The following SNTG2 variants were observed in gnomAD, a reference collection of about 807,000 sequenced individuals.
SNTG2 encodes gamma-2-syntrophin.
Under a neutral mutation model 70.9 loss-of-function variants are expected in SNTG2, and 74 were observed. The ratio of observed to expected loss-of-function variants is 1.04; its 90% confidence interval spans 0.86 to 1.27. The LOEUF is 1.27. Among genes scored for constraint, SNTG2 ranks in the 50% most tolerant of loss-of-function variants. The probability of loss-of-function intolerance (pLI) is 0.00; values close to 1 mark genes in which losing one functional copy is unlikely to be tolerated. For synonymous variants in SNTG2, 278 were observed against 273.8 expected (o/e 1.02, Z -0.15); for missense variants, 717 against 690.7 (o/e 1.04, Z -0.43).
rs138939485 is a variant in SNTG2, at chr2:1,100,064, A to T, written c.325+1654A>T. Among the ~76,000 whole-genome samples, 916 of 152,290 alleles carry T rather than the reference A, an allele frequency of 6.0e-3. 13 individuals are homozygous for T. The highest frequency in any genetic ancestry group is 0.021 in the African/African-American group (882 of 41,540). Reference sequence around the variant, plus strand: ...AAGGAAACCTAGAAATTTAAGTGTGATAAGAAATACAGGTTAGTTGTAACC... The same window carrying T: ...AAGGAAACCTAGAAATTTAAGTGTGTTAAGAAATACAGGTTAGTTGTAACC... On this transcript the variant is annotated intron_variant, in intron 4 of 16. Transcript: ENST00000308624.
intron 1 of SNTG2, among the ~76,000 whole-genome samples, chr2:1,004,093 C>G (rs1659493008): frequency 6.6e-6 from 1 of 152,184 alleles, no homozygotes; most frequent in Admixed American, 6.5e-5. Context: ...ATCCCCTAAA[C>G]TGTGCAACCT....
chr2:1,007,585 T>G (rs2147994108), intron 1 of SNTG2, among the ~76,000 whole-genome samples: 1 of 152,294 alleles, frequency 6.6e-6, no homozygotes, highest in South Asian at 2.1e-4. Flanking sequence ...AGGAATTTTC[T>G]GAGTAAATGT....
At chr2:1,075,038 A>G (rs1043219449) in intron 1 of SNTG2, among the ~76,000 whole-genome samples, 4 of 152,264 alleles carry the variant, frequency 2.6e-5, no homozygotes, top group Admixed American at 2.0e-4. Context: ...ATATCTGACT[A>G]TACAGAATGG....
intron 8 of SNTG2, among the ~76,000 whole-genome samples, chr2:1,197,708 T>C (rs1673015250): frequency 6.6e-6 from 1 of 151,840 alleles, no homozygotes; most frequent in South Asian, 2.1e-4. Flanking sequence ...CTAATTTTTG[T>C]ACTTTGGTAG....
intron 4 of SNTG2, among the ~76,000 whole-genome samples, chr2:1,129,415 G>T (rs955489268): frequency 2.0e-5 from 3 of 152,168 alleles, no homozygotes; most frequent in Admixed American, 1.3e-4. Flanking sequence ...CATTATTTGA[G>T]AATTCCTTCC....
At chr2:1,003,349 GGGAC>G (rs1391075578) in intron 1 of SNTG2, among the ~76,000 whole-genome samples, 1 of 152,192 alleles carries the variant, frequency 6.6e-6, no homozygotes, top group Non-Finnish European at 1.5e-5. Flanking sequence ...GGTAAGGTGA[GGGAC>G]GGAGGTTTGC....
chr2:983,095 A>G (rs968982185), intron 1 of SNTG2, among the ~76,000 whole-genome samples: 1 of 151,384 alleles, frequency 6.6e-6, no homozygotes, highest in East Asian at 1.9e-4. Context: ...GGGATGAAGC[A>G]GAGGCTCTCT....
rs1238305638 is a variant in SNTG2 at position 1,353,451 on chromosome 2, C to G, written c.1489-13892C>G. Among the ~76,000 whole-genome samples the G allele has an allele frequency of 6.6e-6, 1 of 152,224 alleles. No homozygotes were observed. The highest frequency in any genetic ancestry group is 1.5e-5 in the Non-Finnish European group (1 of 68,046). On this transcript the variant is annotated intron_variant, in intron 16 of 16. Coordinates refer to ENST00000308624, the MANE Select transcript of SNTG2 (RefSeq NM_018968.4). This position sits in a 1 kb window ranked among gnomAD's most constrained non-coding sequence, Gnocchi z 4.2. ...TATACTTCTTGGGCTTATTCTAAGA[C>G]AAACTACAAAGCATCCTCGCTTATT...
chr2:1,236,582 A>G (rs998256750), intron 9 of SNTG2, among the ~76,000 whole-genome samples: 3 of 152,262 alleles, frequency 2.0e-5, no homozygotes, highest in Admixed American at 6.5e-5. Flanking sequence ...AGCCACAAGT[A>G]GATAAACCTC....
At chr2:1,098,886 G>C (rs1558396683) in intron 4 of SNTG2, among the ~76,000 whole-genome samples, 1 of 152,168 alleles carries the variant, frequency 6.6e-6, no homozygotes, top group South Asian at 2.1e-4. Context: ...TGGTGGTACT[G>C]CACTGACTAC....
chr2:1,319,190 A>G (rs1681416489), intron 16 of SNTG2, among the ~76,000 whole-genome samples: 1 of 152,226 alleles, frequency 6.6e-6, no homozygotes, highest in African/African-American at 2.4e-5. Context: ...GGTGGGACAC[A>G]GGCTTTGAGA....
At chr2:1,089,683 G>A (rs930110311) in intron 2 of SNTG2, among the ~76,000 whole-genome samples, 1 of 152,210 alleles carries the variant, frequency 6.6e-6, no homozygotes, top group Admixed American at 6.5e-5. Context: ...GAGGGTGTGT[G>A]CACACAAAAG....
chr2:1,152,549 CGT>C (rs764442983), intron 6 of SNTG2, among the ~76,000 whole-genome samples: 12 of 144,938 alleles, frequency 8.3e-5, no homozygotes, highest in Admixed American at 3.5e-4. Context: ...TGTGCACACA[CGT>C]ATGTTTCTAG....
intron 12 of SNTG2, 135 bp from the exon 13 acceptor site, chr2:1,259,235 G>A: frequency 2.8e-6 from 2 of 715,366 alleles, no homozygotes; most frequent in South Asian, 3.7e-5. Context: ...AAAGTTTAAT[G>A]TTACCAATTT....
chr2:1,253,769 C>T (rs935941763), intron 12 of SNTG2, among the ~76,000 whole-genome samples: 5 of 152,082 alleles, frequency 3.3e-5, no homozygotes, highest in African/African-American at 9.7e-5. Context: ...ACAGGAAGCA[C>T]GTCTGGGGAA....
intron 1 of SNTG2, among the ~76,000 whole-genome samples, chr2:989,935 A>T (rs975182865): frequency 3.9e-5 from 6 of 152,230 alleles, no homozygotes; most frequent in African/African-American, 1.2e-4. Flanking sequence ...AAGGAAGCCA[A>T]GGGGACCCTG....
In SNTG2 at chr2:1,221,853, G is replaced by A. The variant is rs1553361637; in HGVS notation, c.719+12623G>A. On this transcript the variant is annotated intron_variant, in intron 9 of 16. Transcript: ENST00000308624. ...TCTGTCTCTCTCTGTCTCTGTCTCT[G>A]TCTCTGTCTCTGTCTCTCTCTCTCT... Among the ~76,000 whole-genome samples the A allele has an allele frequency of 1.2e-3, 6 of 4,836 alleles. 1 individual carries two copies. The highest frequency in any genetic ancestry group is 3.8e-3 in the African/African-American group (2 of 528). The allele number at this position is 4,836 out of a possible 152,430, so 3.2% of individuals were successfully genotyped here. A position where few individuals can be genotyped will look rare whatever the true frequency, so the allele number is the denominator to read the frequency against.
intron 14 of SNTG2, among the ~76,000 whole-genome samples, chr2:1,281,060 A>C (rs924586117): frequency 6.6e-6 from 1 of 152,152 alleles, no homozygotes; most frequent in Non-Finnish European, 1.5e-5. Flanking sequence ...CGCGGGGTCA[A>C]GTGTCTTAGG....
intron 12 of SNTG2, among the ~76,000 whole-genome samples, chr2:1,256,206 G>A (rs1308255126): frequency 4.6e-5 from 7 of 151,800 alleles, no homozygotes; most frequent in African/African-American, 1.2e-4. Context: ...TCCATCGACC[G>A]GGTTTCTGTA....
Sources: allele counts gnomAD v4.1 joint callset (sites outside exome capture counted in the v4.1 genomes callset), GRCh38; gene constraint gnomAD v4.1.1; non-coding constraint Gnocchi (gnomAD v3.1); transcripts MANE v1.5; gene names NCBI Gene and HGNC (gene_info 2026-07-23, HGNC 2026-07-21).